ELOVL1: variants seen among roughly 807,000 people sequenced by gnomAD.
The protein encoded by ELOVL1 is ELOVL fatty acid elongase 1, also known as very long chain fatty acid elongase 1.
ELOVL1 carries 10 observed loss-of-function variants against 37.8 expected under a neutral mutation model. The ratio of observed to expected loss-of-function variants is 0.26; its 90% CI spans 0.16 to 0.45. The LOEUF is 0.45. Ranked by LOEUF, ELOVL1 falls within the 20% of genes least tolerant of loss-of-function variation. The pLI is 1.00. For missense variants in ELOVL1, 256 were observed against 352.7 expected (o/e 0.73, Z 2.20); for synonymous variants, 133 against 123.8 (o/e 1.07, Z -0.49).
At position 43,363,803 on chromosome 1, in the gene ELOVL1, G is replaced by T; in HGVS notation, c.*113C>A. The T allele has an allele frequency of 4.0e-6, 4 of 1,011,000 alleles. No homozygotes were observed. In the Admixed American group the frequency reaches 5.7e-5, roughly 14 times the overall value. 62.6% of individuals were successfully genotyped at this position (1,011,000 alleles called of 1,614,324 possible). ...GAGGGGAGGGCCAGTCCCCTGCTCA[G>T]TCCTGACCACATAAGCCTTGGTCAC... On this transcript the variant is annotated 3_prime_UTR_variant, in exon 8 of 8. Transcript: ENST00000372458.
At chr1:43,366,870 G>A (rs547378722) in intron 1 of ELOVL1, among the ~76,000 whole-genome samples, 2 of 152,150 alleles carry the variant, frequency 1.3e-5, no homozygotes, top group East Asian at 3.9e-4. Context: ...GGACACAAAA[G>A]CCTCTGGCCA....
In ELOVL1 at chr1:43,363,988, G is replaced by A; in HGVS notation, c.768C>T (p.Thr256=). 1 of 1,614,168 alleles carries A rather than the reference G, an allele frequency of 6.2e-7. No homozygotes were observed. ...LFSNFWYHSY[T]KGKRLPRALQ... ...GTGCACGGGGCAGCCGCTTGCCCTT[G>A]GTATAAGAGTGATACCAGAAGTTGG... Residue 256 remains threonine, a synonymous_variant, in exon 8 of 8, where the codon ACC becomes ACT. Transcript: ENST00000372458.
rs1647203801 is a variant in ELOVL1, at chr1:43,364,822, C to A, written c.319-28G>T. The A allele has an allele frequency of 6.2e-7, 1 of 1,614,044 alleles. No homozygotes were observed. Among genetic ancestry groups the A allele is most frequent in the Non-Finnish European group, 8.5e-7 (1 of 1,180,018 alleles). ...GCAAGAAGTTGGGATAGCCTTAGGA[C>A]CTCATACACTATTCTAAGAGCCTCC... On this transcript the variant is annotated intron_variant, in intron 4 of 7. Coordinates refer to ENST00000372458, the MANE Select transcript of ELOVL1 (RefSeq NM_022821.4). The surrounding 1 kb of genome is among the most constrained non-coding windows in gnomAD (Gnocchi z 5.2).
At position 43,364,402 on chromosome 1, in the gene ELOVL1, C is replaced by T. The variant is rs754354091; in HGVS notation, c.540G>A (p.Leu180=). ...INSSVHVIMY[L]YYGLSAFGPV... ...GGCCAAAGGCAGATAATCCGTAGTA[C>T]AGGTACATTATGACATGCACGGAAG... The change falls in exon 7 of 8, where the codon CTG becomes CTA. Residue 180 remains leucine (L), a synonymous_variant. Transcript: ENST00000372458. This position sits in a 1 kb window ranked among gnomAD's most constrained non-coding sequence, Gnocchi z 5.2. 1.9e-6 allele frequency: 3 copies of T among 1,614,170 alleles called. No individual in the cohort carries two copies. The highest frequency in any genetic ancestry group is 2.5e-6 in the Non-Finnish European group (3 of 1,180,030).
At chr1:43,365,740 A>C in intron 1 of ELOVL1, 117 bp from the exon 2 acceptor site, 1 of 1,094,882 alleles carries the variant, frequency 9.1e-7, no homozygotes, top group Non-Finnish European at 1.4e-6. Context: ...AAAGGACAGA[A>C]CAGTGAAAGG....
In ELOVL1 at chr1:43,364,867, C is replaced by G; in HGVS notation, c.318+61G>C. The G allele has an allele frequency of 6.2e-7, 1 of 1,613,832 alleles. No homozygotes were observed. Among genetic ancestry groups the G allele is most frequent in the South Asian group, 1.1e-5 (1 of 91,068 alleles). Reference sequence around the variant, plus strand: ...GCCTCCCTAAACTGGGCCTTGAGCACAGGCCCCAAACTGGTCATATCTACC... The same window carrying G: ...GCCTCCCTAAACTGGGCCTTGAGCAGAGGCCCCAAACTGGTCATATCTACC... On this transcript the variant is annotated intron_variant, in intron 4 of 7. Transcript: ENST00000372458. The surrounding 1 kb of genome is among the most constrained non-coding windows in gnomAD (Gnocchi z 5.2).
chr1:43,364,444 G>C lies in ELOVL1; in HGVS notation c.498C>G (p.Phe166Leu), dbSNP rs1374338567. ...VKIAPGGMGS[F>L]HAMINSSVHV... ...GCACGGAAGAGTTTATCATGGCATG[G>C]AAAGAGCCCATTCCTCCTGTGAGTG... The change falls in exon 7 of 8, where the codon TTC (phenylalanine) becomes TTG (leucine). Residue 166 changes from phenylalanine to leucine, a missense_variant. Around this residue, in one of 3 missense-constraint regions of ELOVL1, gnomAD observed 39 missense variants for 89.9 expected, o/e 0.43. Coordinates refer to ENST00000372458, the MANE Select transcript of ELOVL1 (RefSeq NM_022821.4). This position sits in a 1 kb window ranked among gnomAD's most constrained non-coding sequence, Gnocchi z 5.2. 1.9e-6 allele frequency: 3 copies of C among 1,614,004 alleles called. No homozygotes were observed. The highest frequency in any genetic ancestry group is 2.5e-6 in the Non-Finnish European group (3 of 1,180,018).
At position 43,364,699 on chromosome 1, in the gene ELOVL1, T is replaced by C; in HGVS notation, c.375+39A>G. 1.2e-6 allele frequency: 2 copies of C among 1,614,132 alleles called. No individual in the cohort carries two copies. Among genetic ancestry groups the C allele is most frequent in the Non-Finnish European group, 1.7e-6 (2 of 1,180,002 alleles). ...TCAGAACCTGGGCTTCTCCACCTCA[T>C]TCTCCCCTCAAGTTCTCACATCTCA... On this transcript the variant is annotated intron_variant, in intron 5 of 7. Coordinates refer to ENST00000372458, the MANE Select transcript of ELOVL1 (RefSeq NM_022821.4). This position sits in a 1 kb window ranked among gnomAD's most constrained non-coding sequence, Gnocchi z 5.2.
chr1:43,365,162 A>G, intron 3 of ELOVL1, 24 bp downstream of exon 3: 1 of 1,611,148 alleles, frequency 6.2e-7, no homozygotes, highest in Non-Finnish European at 8.5e-7. Flanking sequence ...ACAGAAATTA[A>G]AGCCCGGCAT....
intron 1 of ELOVL1, chr1:43,367,627 G>A (rs1198666759): frequency 6.6e-6 from 1 of 150,916 alleles, no homozygotes; most frequent in Non-Finnish European, 1.5e-5. Flanking sequence ...GCCTGGCAAA[G>A]TTAGGGTAGC....
chr1:43,364,669 G>A lies in ELOVL1; in HGVS notation c.376-22C>T. 1 of 1,614,092 alleles carries A rather than the reference G, an allele frequency of 6.2e-7. No individual in the cohort carries two copies. The highest frequency in any genetic ancestry group is 8.5e-7 in the Non-Finnish European group (1 of 1,179,992). ...TCACCTGAGAGAAGAGTGAGGGAAGGGGATTCAGAACCTGGGCTTCTCCAC... is the reference window on the plus strand; with the variant it reads ...TCACCTGAGAGAAGAGTGAGGGAAGAGGATTCAGAACCTGGGCTTCTCCAC... On this transcript the variant is annotated intron_variant, in intron 5 of 7. Transcript: ENST00000372458. The surrounding 1 kb of genome is among the most constrained non-coding windows in gnomAD (Gnocchi z 5.2).
intron 1 of ELOVL1, chr1:43,366,622 C>T (rs919039096): frequency 1.3e-5 from 2 of 153,780 alleles, no homozygotes; most frequent in African/African-American, 4.8e-5. Flanking sequence ...CAAAGCACTG[C>T]TGAAAATCCA....
Position 43,364,892 on chromosome 1 carries a change from C to G in ELOVL1, c.318+36G>C. ...CAGGCCCCAAACTGGTCATATCTAC[C>G]AGGTTGCTTATGACCTAGCCCCAGC... On this transcript the variant is annotated intron_variant, in intron 4 of 7. Coordinates refer to ENST00000372458, the MANE Select transcript of ELOVL1 (RefSeq NM_022821.4). The surrounding 1 kb of genome is among the most constrained non-coding windows in gnomAD (Gnocchi z 5.2). 1 of 1,613,990 alleles carries G rather than the reference C, an allele frequency of 6.2e-7. No homozygotes were observed. The highest frequency in any genetic ancestry group is 1.1e-5 in the South Asian group (1 of 91,058).
At chr1:43,366,409 CT>C (rs912808107) in intron 1 of ELOVL1, 5 of 153,792 alleles carry the variant, frequency 3.3e-5, no homozygotes, top group Admixed American at 2.6e-4. Flanking sequence ...CTGCCCGCCC[CT>C]GCTGTACTGT....
At chr1:43,367,852 G>GGGCCGGGCTT (rs1647291690) in intron 1 of ELOVL1, 63 bp downstream of exon 1, 1 of 153,898 alleles carries the variant, frequency 6.5e-6, no homozygotes, top group Non-Finnish European at 1.4e-5. Flanking sequence ...GGGCCGGGCT[G>GGGCCGGGCTT]GGCCGGGCTG....
chr1:43,365,761 T>C, intron 1 of ELOVL1, 138 bp from the exon 2 acceptor site: 1 of 932,232 alleles, frequency 1.1e-6, no homozygotes, highest in Non-Finnish European at 1.7e-6. Context: ...AAGGAATTAC[T>C]GGGAACTAGG....
At position 43,365,235 on chromosome 1, in the gene ELOVL1, A is replaced by G. The variant is rs776970798; in HGVS notation, c.188T>C (p.Ile63Thr). 2.5e-6 allele frequency: 4 copies of G among 1,614,198 alleles called. No homozygotes were observed. In the Admixed American group the frequency reaches 6.7e-5, roughly 27 times the overall value. ...RKPFQLRGFM[I>T]VYNFSLVALS... ...TGCCACCAGTGAGAAGTTGTAGACA[A>G]TCATGAAGCCACGGAGCTGGAAGGG... The change falls in exon 3 of 8, where the codon ATT becomes ACT. Residue 63 changes from isoleucine (I) to threonine (T), a missense_variant. Transcript: ENST00000372458.
Position 43,364,637 on chromosome 1 carries a change from A to T in ELOVL1, c.386T>A (p.Ile129Asn). The T allele has an allele frequency of 6.2e-7, 1 of 1,614,208 alleles. No individual in the cohort carries two copies. Among genetic ancestry groups the T allele is most frequent in the Non-Finnish European group, 8.5e-7 (1 of 1,180,028 alleles). ...CACCTGCCCGTCTTTCTTTCGGAGA[A>T]TAAAGATCACCTGAGAGAAGAGTGA... ...FIELMDTVIF[I>N]LRKKDGQVTF... Residue 129 changes from isoleucine (I) to asparagine (N), a missense_variant, in exon 6 of 8, where the codon ATT becomes AAT. By Grantham distance (149) the Ile-to-Asn change is moderately radical. Around this residue, in one of 3 missense-constraint regions of ELOVL1, gnomAD observed 158 missense variants for 189.4 expected, o/e 0.83. Coordinates refer to ENST00000372458, the MANE Select transcript of ELOVL1 (RefSeq NM_022821.4). The surrounding 1 kb of genome is among the most constrained non-coding windows in gnomAD (Gnocchi z 5.2).
intron 3 of ELOVL1, 31 bp from the exon 4 acceptor site, chr1:43,365,039 G>T: frequency 6.2e-7 from 1 of 1,603,818 alleles, no homozygotes; most frequent in Non-Finnish European, 8.5e-7. Flanking sequence ...GACCACCAGA[G>T]TTCTCCCTTC....
Sources: allele counts gnomAD v4.1 joint callset (sites outside exome capture counted in the v4.1 genomes callset), GRCh38; gene constraint gnomAD v4.1.1; regional missense constraint gnomAD v4.1.1; non-coding constraint Gnocchi (gnomAD v3.1); transcripts MANE v1.5; gene names NCBI Gene and HGNC (gene_info 2026-07-23, HGNC 2026-07-21).